The following SUMF1 variants were observed in gnomAD, a reference collection of about 807,000 sequenced individuals.
SUMF1 encodes the protein formylglycine-generating enzyme.
A neutral mutation model predicts 47.6 loss-of-function variants in SUMF1; 48 were observed. The ratio of observed to expected loss-of-function variants is 1.01; its 90% confidence interval spans 0.80 to 1.28. The LOEUF (loss-of-function observed/expected upper bound fraction) is 1.28, where lower values mean the gene tolerates loss of function less well. Among genes scored for constraint, SUMF1 ranks in the 50% most tolerant of loss-of-function variants. The probability of loss-of-function intolerance (pLI) is 0.00; values close to 1 mark genes in which losing one functional copy is unlikely to be tolerated. For missense variants in SUMF1, 571 were observed against 485.4 expected, an observed-to-expected ratio of 1.18 and a Z score of -1.66; for synonymous variants, 230 against 192.1, an observed-to-expected ratio of 1.20 and a Z score of -1.63.
chr3:4,311,874 G>A (rs188553933), intron 8 of SUMF1, among the ~76,000 whole-genome samples: 1 of 152,176 alleles, frequency 6.6e-6, no homozygotes, highest in Admixed American at 6.5e-5. Context: ...AAAAAAATCT[G>A]CTGGGTTCAT....
chr3:4,264,864 T>A (rs1697156965), intron 8 of SUMF1, among the ~76,000 whole-genome samples: 1 of 152,180 alleles, frequency 6.6e-6, no homozygotes, highest in Non-Finnish European at 1.5e-5. Context: ...CCAGGAGCAG[T>A]GGCTCACGCC....
At chr3:4,177,912 C>T (rs921533289) in intron 8 of SUMF1, among the ~76,000 whole-genome samples, 1 of 152,144 alleles carries the variant, frequency 6.6e-6, no homozygotes, top group Non-Finnish European at 1.5e-5. Flanking sequence ...ACTATAAACA[C>T]CTCTACGCAA....
At chr3:4,439,522 T>C (rs1342548032) in intron 3 of SUMF1, among the ~76,000 whole-genome samples, 1 of 150,874 alleles carries the variant, frequency 6.6e-6, no homozygotes, top group Non-Finnish European at 1.5e-5. Context: ...CCAAACCCTG[T>C]CTCAAAAAAA....
intron 8 of SUMF1, among the ~76,000 whole-genome samples, chr3:4,088,755 T>C (rs1044355189): frequency 6.6e-6 from 1 of 152,132 alleles, no homozygotes; most frequent in African/African-American, 2.4e-5. Flanking sequence ...TCTTCCTTAC[T>C]GAAGAGAATT....
At chr3:4,252,563 C>T (rs544048080) in intron 8 of SUMF1, among the ~76,000 whole-genome samples, 5 of 152,130 alleles carry the variant, frequency 3.3e-5, no homozygotes, top group Non-Finnish European at 5.9e-5. Context: ...ACCAGCCTGC[C>T]TTTTTGCCAT....
At chr3:4,104,345 G>A (rs114486050) in intron 8 of SUMF1, among the ~76,000 whole-genome samples, 1,873 of 152,074 alleles carry the variant, frequency 0.012, 57 homozygotes, top group African/African-American at 0.044. Flanking sequence ...GAGTCCATTA[G>A]ACCTCTTTTT....
intron 8 of SUMF1, among the ~76,000 whole-genome samples, chr3:4,205,963 T>G (rs568617624): frequency 3.3e-5 from 5 of 152,052 alleles, no homozygotes; most frequent in Non-Finnish European, 7.4e-5. Flanking sequence ...CCAAAGACTC[T>G]TTAGTCAGCA....
At chr3:4,451,669 C>T (rs138014147) in intron 2 of SUMF1, among the ~76,000 whole-genome samples, 106 of 152,240 alleles carry the variant, frequency 7.0e-4, no homozygotes, top group Non-Finnish European at 1.2e-3. Context: ...CTGCTTATTA[C>T]GAATGTGTAC....
intron 8 of SUMF1, chr3:4,316,184 T>C: frequency 1.5e-6 from 1 of 654,284 alleles, no homozygotes. Context: ...GCTAATGACA[T>C]CTTACTTGCT....
At chr3:4,202,641 A>G (rs922249471) in intron 8 of SUMF1, among the ~76,000 whole-genome samples, 1 of 152,042 alleles carries the variant, frequency 6.6e-6, no homozygotes, top group Non-Finnish European at 1.5e-5. Flanking sequence ...ATTTCTGTGA[A>G]GAATGTCATT....
chr3:4,457,431 A>G, intron 1 of SUMF1, among the ~76,000 whole-genome samples: 1 of 151,160 alleles, frequency 6.6e-6, no homozygotes. Context: ...AAAAGACCCC[A>G]AAGAGCGAAA....
chr3:4,098,818 T>A (rs560592577), intron 8 of SUMF1, among the ~76,000 whole-genome samples: 2 of 152,252 alleles, frequency 1.3e-5, no homozygotes, highest in African/African-American at 4.8e-5. Flanking sequence ...CAGAAAACCA[T>A]AGAGTTAACT....
intron 8 of SUMF1, among the ~76,000 whole-genome samples, chr3:4,368,126 T>C (rs1324626078): frequency 1.3e-5 from 2 of 152,034 alleles, no homozygotes; most frequent in Admixed American, 6.6e-5. Flanking sequence ...CAATGAAGTC[T>C]AACAAATTTA....
At chr3:4,163,384 G>A (rs181136997) in intron 8 of SUMF1, among the ~76,000 whole-genome samples, 725 of 29,984 alleles carry the variant, frequency 0.024, 73 homozygotes, top group Middle Eastern at 0.034. Context: ...GGAAGGAAGG[G>A]AGGGAGGGAG....
At chr3:4,235,723 G>A (rs1696392519) in intron 8 of SUMF1, among the ~76,000 whole-genome samples, 1 of 151,996 alleles carries the variant, frequency 6.6e-6, no homozygotes, top group Admixed American at 6.6e-5. Flanking sequence ...GGCAGTGGAA[G>A]GTTGGGACAA....
intron 2 of SUMF1, among the ~76,000 whole-genome samples, chr3:4,452,347 T>G (rs2125132348): frequency 6.6e-6 from 1 of 152,338 alleles, no homozygotes; most frequent in East Asian, 1.9e-4. Flanking sequence ...TGTCTGGAAC[T>G]GCTATAGCAC....
intron 3 of SUMF1, among the ~76,000 whole-genome samples, chr3:4,440,431 C>T (rs1246438028): frequency 3.9e-5 from 6 of 152,144 alleles, no homozygotes; most frequent in South Asian, 4.1e-4. Context: ...CTTAGAATTC[C>T]GCTGGACCTC....
chr3:4,313,520 AT>A, intron 8 of SUMF1: 1 of 1,614,010 alleles, frequency 6.2e-7, no homozygotes, highest in Non-Finnish European at 8.5e-7. Flanking sequence ...GAACTCTCTT[AT>A]GATTATTCAG....
At chr3:4,223,017 A>C (rs1696099269) in intron 8 of SUMF1, among the ~76,000 whole-genome samples, 1 of 152,132 alleles carries the variant, frequency 6.6e-6, no homozygotes, top group African/African-American at 2.4e-5. Flanking sequence ...GGTAAAGGGG[A>C]AACTTCCACG....
Sources: allele counts gnomAD v4.1 joint callset (sites outside exome capture counted in the v4.1 genomes callset), GRCh38; gene constraint gnomAD v4.1.1; transcripts MANE v1.5; gene names NCBI Gene and HGNC (gene_info 2026-07-23, HGNC 2026-07-21).